The following RPP25L variants were observed in gnomAD, a reference collection of about 807,000 sequenced individuals.
RPP25L encodes the protein ribonuclease P protein subunit p25-like protein.
In RPP25L, 5 loss-of-function variants were observed where a neutral mutation model predicts 10.1. The observed-to-expected ratio is 0.50, with a 90% confidence interval of 0.26 to 1.04. The LOEUF (loss-of-function observed/expected upper bound fraction) is 1.04, where lower values mean the gene tolerates loss of function less well. Among genes scored for constraint, RPP25L ranks in the 50% least tolerant of loss-of-function variants. The pLI is 0.14. For synonymous variants in RPP25L, 96 were observed against 88.6 expected (o/e 1.08, Z -0.47); for missense variants, 192 against 217.3 (o/e 0.88, Z 0.73).
At position 34,610,814 on chromosome 9, in the gene RPP25L, G is replaced by C; in HGVS notation, c.483C>G (p.Thr161=). ...CTGGCTCAGCAGGTCTTCACGATCG[G>C]GTGTCTCGAGCCCTTCTTCGGGAAC... ...GPRSRRRARD[T]RS The change falls in exon 2 of 2, where the codon ACC becomes ACG. Residue 161 remains threonine, a synonymous_variant. Coordinates refer to ENST00000378959, the MANE Select transcript of RPP25L (RefSeq NM_148178.3). 1.3e-6 allele frequency: 2 copies of C among 1,526,876 alleles called. No homozygotes were observed. Among genetic ancestry groups the C allele is most frequent in the East Asian group, 2.3e-5 (1 of 44,072 alleles). The allele number at this position is 1,526,876 out of a possible 1,614,324, so 94.6% of individuals were successfully genotyped here.
Position 34,611,511 on chromosome 9 carries a change from G to A in RPP25L, c.-36-179C>T, listed in dbSNP as rs1014264378. 1.3e-5 allele frequency among the ~76,000 whole-genome samples: 2 copies of A among 152,068 alleles called. No individual in the cohort carries two copies. The highest frequency in any genetic ancestry group is 2.9e-5 in the Non-Finnish European group (2 of 67,998). On this transcript the variant is annotated intron_variant, in intron 1 of 1. Transcript: ENST00000378959. This position sits in a 1 kb window ranked among gnomAD's most constrained non-coding sequence, Gnocchi z 4.4. ...CATGCCTGCCGCAGTCTGGGAAAGGGCTGTACCCCATACACCCCGTTCCTC... is the reference window on the plus strand; with the variant it reads ...CATGCCTGCCGCAGTCTGGGAAAGGACTGTACCCCATACACCCCGTTCCTC...
At position 34,611,192 on chromosome 9, in the gene RPP25L, T is replaced by C. The variant is rs748224150; in HGVS notation, c.105A>G (p.Lys35=). The part of the protein sequence containing the change: ...TLEMRVRDGS[K]IRNLLGLALG... The stretch of plus-strand genomic sequence containing the variant: ...GAGCCAACCCCAGCAGGTTGCGAAT[T>C]TTGCTGCCATCTCGGACCCGCATCT... The change falls in exon 2 of 2, where the codon AAA becomes AAG. Residue 35 remains lysine (K), a synonymous_variant. Transcript: ENST00000378959. This position sits in a 1 kb window ranked among gnomAD's most constrained non-coding sequence, Gnocchi z 4.4. The C allele has an allele frequency of 6.2e-7, 1 of 1,613,908 alleles. No homozygotes were observed. Among genetic ancestry groups the C allele is most frequent in the Non-Finnish European group, 8.5e-7 (1 of 1,180,008 alleles).
rs1036242618 is a variant in RPP25L at position 34,611,424 on chromosome 9, C to T, written c.-36-92G>A. ...CCATCCAGGATATGGCCCTGCTCCCCGTTCCAGACTTCCCAGAAACAGGAT... is the reference window on the plus strand; with the variant it reads ...CCATCCAGGATATGGCCCTGCTCCCTGTTCCAGACTTCCCAGAAACAGGAT... On this transcript the variant is annotated intron_variant, in intron 1 of 1. Coordinates refer to ENST00000378959, the MANE Select transcript of RPP25L (RefSeq NM_148178.3). The surrounding 1 kb of genome is among the most constrained non-coding windows in gnomAD (Gnocchi z 4.4). 4 of 987,496 alleles carry T rather than the reference C, an allele frequency of 4.1e-6. No individual in the cohort carries two copies. Among genetic ancestry groups the T allele is most frequent in the African/African-American group, 1.6e-5 (1 of 61,382 alleles). 61.2% of individuals were successfully genotyped at this position (987,496 alleles called of 1,614,324 possible).
Position 34,610,751 on chromosome 9 carries a change from G to T in RPP25L, c.*54C>A. On this transcript the variant is annotated 3_prime_UTR_variant, in exon 2 of 2. Coordinates refer to ENST00000378959, the MANE Select transcript of RPP25L (RefSeq NM_148178.3). The stretch of plus-strand genomic sequence containing the variant: ...AGCAGTCACAACGCTTCTCAGAAAA[G>T]GCACAAGCACCCCAGACATTCAGGC... 6.7e-7 allele frequency: 1 copy of T among 1,502,916 alleles called. No homozygotes were observed. The highest frequency in any genetic ancestry group is 1.3e-5 in the South Asian group (1 of 74,596). 93.1% of individuals were successfully genotyped at this position (1,502,916 alleles called of 1,614,324 possible).
rs1371906317 is a variant in RPP25L, at chr9:34,612,081, C to A, written c.-54G>T. ...GCTCTCACCGAAGCCGCCTCACGCA[C>A]GATCCGGAGCCAAGATGGCGCGCGG... On this transcript the variant is annotated 5_prime_UTR_variant, in exon 1 of 2. Coordinates refer to ENST00000378959, the MANE Select transcript of RPP25L (RefSeq NM_148178.3). The A allele has an allele frequency of 1.3e-5, 2 of 152,302 alleles. No individual in the cohort carries two copies. The highest frequency in any genetic ancestry group is 4.8e-5 in the African/African-American group (2 of 41,560). 9.4% of individuals were successfully genotyped at this position (152,302 alleles called of 1,614,324 possible). A position where few individuals can be genotyped will look rare whatever the true frequency, so the allele number is the denominator to read the frequency against.
Position 34,611,176 on chromosome 9 carries a change from C to G in RPP25L, c.121G>C (p.Gly41Arg), listed in dbSNP as rs1318067404. 6.2e-7 allele frequency: 1 copy of G among 1,614,134 alleles called. No homozygotes were observed. Among genetic ancestry groups the G allele is most frequent in the Middle Eastern group, 1.7e-4 (1 of 6,060 alleles). ...CCCTCCAACCGACCCAGAGCCAACC[C>G]CAGCAGGTTGCGAATTTTGCTGCCA... ...RDGSKIRNLL[G>R]LALGRLEGGS... Residue 41 changes from glycine to arginine, a missense_variant, in exon 2 of 2, where the codon GGG (glycine) becomes CGG (arginine). By Grantham distance (125) the Gly-to-Arg change is moderately radical (BLOSUM62 -2). Coordinates refer to ENST00000378959, the MANE Select transcript of RPP25L (RefSeq NM_148178.3). This position sits in a 1 kb window ranked among gnomAD's most constrained non-coding sequence, Gnocchi z 4.4.
At position 34,610,662 on chromosome 9, in the gene RPP25L, G is replaced by A. The variant is rs763409595; in HGVS notation, c.*143C>T. ...CACAGCAGTCCCTTCCCACATGCTA[G>A]AGGGAAGGGGAAGCATGATAGGGAG... On this transcript the variant is annotated 3_prime_UTR_variant, in exon 2 of 2. Coordinates refer to ENST00000378959, the MANE Select transcript of RPP25L (RefSeq NM_148178.3). 1 of 893,410 alleles carries A rather than the reference G, an allele frequency of 1.1e-6. No individual in the cohort carries two copies. Among genetic ancestry groups the A allele is most frequent in the Non-Finnish European group, 1.7e-6 (1 of 592,098 alleles). The allele number at this position is 893,410 out of a possible 1,614,324, so 55.3% of individuals were successfully genotyped here.
chr9:34,610,668 A>G lies in RPP25L; in HGVS notation c.*137T>C, dbSNP rs545797580. On this transcript the variant is annotated 3_prime_UTR_variant, in exon 2 of 2. Transcript: ENST00000378959. ...AGTCCCTTCCCACATGCTAGAGGGA[A>G]GGGGAAGCATGATAGGGAGGTCCAC... 2.7e-5 allele frequency: 25 copies of G among 910,060 alleles called. No homozygotes were observed. In the South Asian group the frequency reaches 3.0e-4, roughly 11 times the overall value. 56.4% of individuals were successfully genotyped at this position (910,060 alleles called of 1,614,324 possible). A position where few individuals can be genotyped will look rare whatever the true frequency, so the allele number is the denominator to read the frequency against.
Position 34,611,051 on chromosome 9 carries a change from G to C in RPP25L, c.246C>G (p.His82Gln). 6.2e-7 allele frequency: 1 copy of C among 1,614,016 alleles called. No individual in the cohort carries two copies. The highest frequency in any genetic ancestry group is 8.5e-7 in the Non-Finnish European group (1 of 1,180,006). Residue 82 changes from histidine to glutamine, a missense_variant, in exon 2 of 2, where the codon CAC becomes CAG. By Grantham distance (24) the His-to-Gln change is conservative (BLOSUM62 0). Coordinates refer to ENST00000378959, the MANE Select transcript of RPP25L (RefSeq NM_148178.3). This position sits in a 1 kb window ranked among gnomAD's most constrained non-coding sequence, Gnocchi z 4.4. ...GAAGGAAACGTAGCTTGGTGAGCTG[G>C]TGCAGGCCTGGGACCCGCCGCTTGA... ...EIVKRRVPGL[H>Q]QLTKLRFLQT...
Position 34,611,066 on chromosome 9 carries a change from C to G in RPP25L, c.231G>C (p.Arg77=), listed in dbSNP as rs759110373. ...AVSCAEIVKR[R]VPGLHQLTKL... ...TGGTGAGCTGGTGCAGGCCTGGGAC[C>G]CGCCGCTTGACAATCTCAGCGCAGC... Residue 77 remains arginine, a synonymous_variant, in exon 2 of 2, where the codon CGG becomes CGC. Coordinates refer to ENST00000378959, the MANE Select transcript of RPP25L (RefSeq NM_148178.3). This position sits in a 1 kb window ranked among gnomAD's most constrained non-coding sequence, Gnocchi z 4.4. 7 of 1,613,972 alleles carry G rather than the reference C, an allele frequency of 4.3e-6. No individual in the cohort carries two copies. In the South Asian group the frequency reaches 6.6e-5, roughly 15 times the overall value.
Position 34,611,006 on chromosome 9 carries a change from G to T in RPP25L, c.291C>A (p.Val97=). The T allele has an allele frequency of 6.2e-7, 1 of 1,614,026 alleles. No homozygotes were observed. The highest frequency in any genetic ancestry group is 8.5e-7 in the Non-Finnish European group (1 of 1,180,030). Reference sequence around the variant, plus strand: ...CTAGCCCTGTGTCAGGTGAGGCTGGGACCCAGCTGTCCTCAGTCTGAAGGA... The same window carrying T: ...CTAGCCCTGTGTCAGGTGAGGCTGGTACCCAGCTGTCCTCAGTCTGAAGGA... ...LRFLQTEDSW[V]PASPDTGLDP... The change falls in exon 2 of 2, where the codon GTC becomes GTA. Residue 97 remains valine (V), a synonymous_variant. Transcript: ENST00000378959. The surrounding 1 kb of genome is among the most constrained non-coding windows in gnomAD (Gnocchi z 4.4).
At position 34,611,273 on chromosome 9, in the gene RPP25L, G is replaced by A. The variant is rs1444671637; in HGVS notation, c.24C>T (p.Gly8=). MEHYRKA[G]SVELPAPSPM... Reference sequence around the variant, plus strand: ...GGGAAGGCGCTGGGAGCTCTACAGAGCCAGCTTTCCGGTAGTGCTCCATCC... The same window carrying A: ...GGGAAGGCGCTGGGAGCTCTACAGAACCAGCTTTCCGGTAGTGCTCCATCC... Residue 8 remains glycine, a synonymous_variant, in exon 2 of 2, where the codon GGC becomes GGT. Transcript: ENST00000378959. The surrounding 1 kb of genome is among the most constrained non-coding windows in gnomAD (Gnocchi z 4.4). 1 of 1,613,354 alleles carries A rather than the reference G, an allele frequency of 6.2e-7. No homozygotes were observed. The highest frequency in any genetic ancestry group is 8.5e-7 in the Non-Finnish European group (1 of 1,179,956).
rs13339 is a variant in RPP25L at position 34,610,705 on chromosome 9, C to T, written c.*100G>A. 14,799 of 1,373,432 alleles carry T rather than the reference C, an allele frequency of 0.011. 665 individuals carry two copies. The highest frequency in any genetic ancestry group is 0.094 in the East Asian group (3,984 of 42,578). 85.1% of individuals were successfully genotyped at this position (1,373,432 alleles called of 1,614,324 possible). A position where few individuals can be genotyped will look rare whatever the true frequency, so the allele number is the denominator to read the frequency against. ...ATAGGGAGGTCCACTTTTGTGGACTCAAACCTTGATGGGGATGTTGAGCAG... is the reference window on the plus strand; with the variant it reads ...ATAGGGAGGTCCACTTTTGTGGACTTAAACCTTGATGGGGATGTTGAGCAG... On this transcript the variant is annotated 3_prime_UTR_variant, in exon 2 of 2. Coordinates refer to ENST00000378959, the MANE Select transcript of RPP25L (RefSeq NM_148178.3).
chr9:34,611,153 C>A lies in RPP25L; in HGVS notation c.144G>T (p.Glu48Asp), dbSNP rs1225156331. 4 of 1,614,194 alleles carry A rather than the reference C, an allele frequency of 2.5e-6. No individual in the cohort carries two copies. Among genetic ancestry groups the A allele is most frequent in the African/African-American group, 1.3e-5 (1 of 75,040 alleles). ...ACACTACATGCCGAGCACTGCCGCC[C>A]TCCAACCGACCCAGAGCCAACCCCA... Reference protein sequence around the residue: ...NLLGLALGRLEGGSARHVVFS... With the variant: ...NLLGLALGRLDGGSARHVVFS... The change falls in exon 2 of 2, where the codon GAG becomes GAT. Residue 48 changes from glutamate to aspartate, a missense_variant. Coordinates refer to ENST00000378959, the MANE Select transcript of RPP25L (RefSeq NM_148178.3). The surrounding 1 kb of genome is among the most constrained non-coding windows in gnomAD (Gnocchi z 4.4).
At position 34,610,762 on chromosome 9, in the gene RPP25L, C is replaced by A; in HGVS notation, c.*43G>T. On this transcript the variant is annotated 3_prime_UTR_variant, in exon 2 of 2. Coordinates refer to ENST00000378959, the MANE Select transcript of RPP25L (RefSeq NM_148178.3). ...CGCTTCTCAGAAAAGGCACAAGCACCCCAGACATTCAGGCCCGGAGAACAG... is the reference window on the plus strand; with the variant it reads ...CGCTTCTCAGAAAAGGCACAAGCACACCAGACATTCAGGCCCGGAGAACAG... 1.3e-6 allele frequency: 2 copies of A among 1,508,148 alleles called. No individual in the cohort carries two copies. The highest frequency in any genetic ancestry group is 8.8e-7 in the Non-Finnish European group (1 of 1,130,420). 93.4% of individuals were successfully genotyped at this position (1,508,148 alleles called of 1,614,324 possible).
At position 34,611,897 on chromosome 9, in the gene RPP25L, T is replaced by C. The variant is rs1820308618; in HGVS notation, c.-37+167A>G. 1 of 153,270 alleles carries C rather than the reference T, an allele frequency of 6.5e-6. No individual in the cohort carries two copies. The highest frequency in any genetic ancestry group is 2.4e-5 in the African/African-American group (1 of 41,358). The allele number at this position is 153,270 out of a possible 1,614,324, so 9.5% of individuals were successfully genotyped here. On this transcript the variant is annotated intron_variant, in intron 1 of 1. Transcript: ENST00000378959. The surrounding 1 kb of genome is among the most constrained non-coding windows in gnomAD (Gnocchi z 4.4). ...ATATCAACCCAGGTCACTCAGAAACTCGGGGGCAGAGGCTCGACTCGGAGG... is the reference window on the plus strand; with the variant it reads ...ATATCAACCCAGGTCACTCAGAAACCCGGGGGCAGAGGCTCGACTCGGAGG...
At position 34,611,046 on chromosome 9, in the gene RPP25L, A is replaced by C. The variant is rs766066512; in HGVS notation, c.251T>G (p.Leu84Arg). ...AGTCTGAAGGAAACGTAGCTTGGTG[A>C]GCTGGTGCAGGCCTGGGACCCGCCG... ...VKRRVPGLHQ[L>R]TKLRFLQTED... is the part of the protein sequence containing the mutation. Residue 84 changes from leucine (L) to arginine (R), a missense_variant, in exon 2 of 2, where the codon CTC becomes CGC. By Grantham distance (102) the Leu-to-Arg change is moderately radical. Coordinates refer to ENST00000378959, the MANE Select transcript of RPP25L (RefSeq NM_148178.3). This position sits in a 1 kb window ranked among gnomAD's most constrained non-coding sequence, Gnocchi z 4.4. 1.2e-6 allele frequency: 2 copies of C among 1,613,984 alleles called. No individual in the cohort carries two copies. Among genetic ancestry groups the C allele is most frequent in the Admixed American group, 3.3e-5 (2 of 60,014 alleles).
chr9:34,611,057 G>T lies in RPP25L; in HGVS notation c.240C>A (p.Gly80=). 1 of 1,613,970 alleles carries T rather than the reference G, an allele frequency of 6.2e-7. No individual in the cohort carries two copies. The highest frequency in any genetic ancestry group is 8.5e-7 in the Non-Finnish European group (1 of 1,179,976). Residue 80 remains glycine, a synonymous_variant, in exon 2 of 2, where the codon GGC becomes GGA. Coordinates refer to ENST00000378959, the MANE Select transcript of RPP25L (RefSeq NM_148178.3). The surrounding 1 kb of genome is among the most constrained non-coding windows in gnomAD (Gnocchi z 4.4). ...AACGTAGCTTGGTGAGCTGGTGCAG[G>T]CCTGGGACCCGCCGCTTGACAATCT... The part of the protein sequence containing the change: ...CAEIVKRRVP[G]LHQLTKLRFL...
Position 34,610,654 on chromosome 9 carries a change from A to T in RPP25L, c.*151T>A. 1.2e-6 allele frequency: 1 copy of T among 831,480 alleles called. No individual in the cohort carries two copies. Among genetic ancestry groups the T allele is most frequent in the Non-Finnish European group, 1.9e-6 (1 of 539,584 alleles). The allele number at this position is 831,480 out of a possible 1,614,324, so 51.5% of individuals were successfully genotyped here. Reference sequence around the variant, plus strand: ...TCATTCTTCACAGCAGTCCCTTCCCACATGCTAGAGGGAAGGGGAAGCATG... The same window carrying T: ...TCATTCTTCACAGCAGTCCCTTCCCTCATGCTAGAGGGAAGGGGAAGCATG... On this transcript the variant is annotated 3_prime_UTR_variant, in exon 2 of 2. Coordinates refer to ENST00000378959, the MANE Select transcript of RPP25L (RefSeq NM_148178.3).
Sources: allele counts gnomAD v4.1 joint callset (sites outside exome capture counted in the v4.1 genomes callset), GRCh38; gene constraint gnomAD v4.1.1; non-coding constraint Gnocchi (gnomAD v3.1); transcripts MANE v1.5; gene names NCBI Gene and HGNC (gene_info 2026-07-23, HGNC 2026-07-21).